Variants in IGF1R observed in about 807,000 individuals in gnomAD.
The protein encoded by IGF1R is insulin like growth factor 1 receptor.
IGF1R carries 44 observed loss-of-function variants against 144.6 expected under a neutral mutation model. The observed-to-expected ratio is 0.30, with a 90% CI of 0.24 to 0.39. IGF1R has a LOEUF of 0.39. Ranked by LOEUF, IGF1R falls within the 10% of genes least tolerant of loss-of-function variation. The pLI, the probability that IGF1R is intolerant of heterozygous loss-of-function variation, is 1.00. For missense variants in IGF1R, 1,355 were observed against 1,833.7 expected, an observed-to-expected ratio of 0.74 and a Z score of 4.77; for synonymous variants, 795 against 722.8, an observed-to-expected ratio of 1.10 and a Z score of -1.60.
At chr15:98,869,442 T>TTC in intron 2 of IGF1R, among the ~76,000 whole-genome samples, 1 of 151,414 alleles carries the variant, frequency 6.6e-6, no homozygotes, top group African/African-American at 2.4e-5. Flanking sequence ...TTCTTTTTTT[T>TTC]TTTTTTTTTT....
intron 1 of IGF1R, among the ~76,000 whole-genome samples, chr15:98,699,252 G>A (rs549571004): frequency 1.3e-3 from 203 of 152,306 alleles, no homozygotes; most frequent in African/African-American, 4.6e-3. Context: ...GTGCTAGGTG[G>A]TAGTGAGGAC....
In IGF1R at chr15:98,789,975, A is replaced by C. The variant is rs139885525; in HGVS notation, c.640+81868A>C. On this transcript the variant is annotated intron_variant, in intron 2 of 20. Transcript: ENST00000650285. ...ACATTTAGTGTCTGTGACTTAGCCA[A>C]AGGAAATGTACATTAACTGTTCAGT... 3.6e-3 allele frequency among the ~76,000 whole-genome samples: 544 copies of C among 152,340 alleles called. 7 individuals carry two copies. Among genetic ancestry groups the C allele is most frequent in the African/African-American group, 0.012 (516 of 41,582 alleles).
intron 2 of IGF1R, among the ~76,000 whole-genome samples, chr15:98,882,673 G>C (rs974764454): frequency 2.0e-5 from 3 of 152,186 alleles, no homozygotes; most frequent in Non-Finnish European, 4.4e-5. Context: ...AGTGAATAGG[G>C]ACAGTGATGA....
At chr15:98,722,993 C>T (rs1190349580) in intron 2 of IGF1R, among the ~76,000 whole-genome samples, 2 of 151,940 alleles carry the variant, frequency 1.3e-5, no homozygotes, top group African/African-American at 2.4e-5. Context: ...ACTGGTTCAA[C>T]ACCCATGTCA....
At chr15:98,669,498 A>G (rs902809205) in intron 1 of IGF1R, among the ~76,000 whole-genome samples, 5 of 152,168 alleles carry the variant, frequency 3.3e-5, no homozygotes, top group African/African-American at 1.2e-4. Context: ...CCTCAGGGTC[A>G]TATGTGCTGG....
chr15:98,897,064 T>C (rs971574513), intron 4 of IGF1R, 159 bp downstream of exon 4: 2 of 698,070 alleles, frequency 2.9e-6, no homozygotes, highest in African/African-American at 3.6e-5. Flanking sequence ...TGAGTTTCCC[T>C]GAAAGATAAA....
chr15:98,737,980 G>A (rs1174129373), intron 2 of IGF1R, among the ~76,000 whole-genome samples: 1 of 152,212 alleles, frequency 6.6e-6, no homozygotes, highest in Non-Finnish European at 1.5e-5. Flanking sequence ...CCTTGTGTAT[G>A]AAGGTCTGCT....
At chr15:98,724,003 C>G (rs1430874459) in intron 2 of IGF1R, among the ~76,000 whole-genome samples, 5 of 152,078 alleles carry the variant, frequency 3.3e-5, no homozygotes, top group Admixed American at 3.3e-4. Flanking sequence ...AGCTTTGGAG[C>G]AGTTTAGGCC....
At chr15:98,689,556 A>G (rs553387611) in intron 1 of IGF1R, among the ~76,000 whole-genome samples, 5 of 151,596 alleles carry the variant, frequency 3.3e-5, no homozygotes, top group African/African-American at 9.7e-5. Context: ...TTTAGATGCC[A>G]TTGTTGAGGA....
chr15:98,707,003 G>A lies in IGF1R; in HGVS notation c.95-559G>A, dbSNP rs1312872271. On this transcript the variant is annotated intron_variant, in intron 1 of 20. Coordinates refer to ENST00000650285, the MANE Select transcript of IGF1R (RefSeq NM_000875.5). This position sits in a 1 kb window ranked among gnomAD's most constrained non-coding sequence, Gnocchi z 6.7. Reference sequence around the variant, plus strand: ...CGTGTGGAGAGAACACAGTCTACTCGGCTTATGTCAAATGGTAGTGGGAAG... The same window carrying A: ...CGTGTGGAGAGAACACAGTCTACTCAGCTTATGTCAAATGGTAGTGGGAAG... 2.0e-5 allele frequency among the ~76,000 whole-genome samples: 3 copies of A among 152,082 alleles called. No homozygotes were observed. The highest frequency in any genetic ancestry group is 3.2e-3 in the Middle Eastern group (1 of 316).
chr15:98,962,610 C>G lies in IGF1R; in HGVS notation c.*5168C>G, dbSNP rs2017270179. 4.3e-6 allele frequency: 1 copy of G among 233,820 alleles called. No individual in the cohort carries two copies. The highest frequency in any genetic ancestry group is 5.6e-5 in the Admixed American group (1 of 17,798). The allele number at this position is 233,820 out of a possible 1,614,324, so 14.5% of individuals were successfully genotyped here. On this transcript the variant is annotated 3_prime_UTR_variant, in exon 21 of 21. Coordinates refer to ENST00000650285, the MANE Select transcript of IGF1R (RefSeq NM_000875.5). ...TGCGTCATTTGGAGAAGTGAGTGCT[C>G]CTTGATGGTGGAATGACCGGGTGGT...
chr15:98,927,948 A>G (rs1419308154), intron 13 of IGF1R, among the ~76,000 whole-genome samples: 1 of 152,142 alleles, frequency 6.6e-6, no homozygotes, highest in East Asian at 1.9e-4. Context: ...AACCAAAATC[A>G]CAGTTGTTGC....
At chr15:98,899,762 C>A in intron 5 of IGF1R, 141 bp downstream of exon 5, 1 of 821,962 alleles carries the variant, frequency 1.2e-6, no homozygotes, top group Non-Finnish European at 2.0e-6. Context: ...CTGTGCTGCT[C>A]GAGTAGGTCT....
chr15:98,707,573 G>A lies in IGF1R; in HGVS notation c.106G>A (p.Gly36Ser). 6.2e-7 allele frequency: 1 copy of A among 1,614,202 alleles called. No individual in the cohort carries two copies. Among genetic ancestry groups the A allele is most frequent in the Non-Finnish European group, 8.5e-7 (1 of 1,180,042 alleles). The change falls in exon 2 of 21, where the codon GGC becomes AGC. Residue 36 changes from glycine to serine, a missense_variant. Gly to Ser is a moderately conservative substitution (Grantham distance 56). Coordinates refer to ENST00000650285, the MANE Select transcript of IGF1R (RefSeq NM_000875.5). The surrounding 1 kb of genome is among the most constrained non-coding windows in gnomAD (Gnocchi z 6.7). ...TTGTCTCCCTTCAGTCTGCGGGCCA[G>A]GCATCGACATCCGCAACGACTATCA... ...WPTSGEICGP[G>S]IDIRNDYQQL...
At chr15:98,748,452 G>A (rs2054923491) in intron 2 of IGF1R, among the ~76,000 whole-genome samples, 1 of 152,204 alleles carries the variant, frequency 6.6e-6, no homozygotes, top group South Asian at 2.1e-4. Flanking sequence ...TGGGATTACA[G>A]GCGTGAGCCA....
At position 98,913,031 on chromosome 15, in the gene IGF1R, A is replaced by T; in HGVS notation, c.1590-13A>T. On this transcript the variant is annotated splice_polypyrimidine_tract_variant and intron_variant, in intron 7 of 20. Coordinates refer to ENST00000650285, the MANE Select transcript of IGF1R (RefSeq NM_000875.5). ...AGAGCCCCGAACTTTCTCTGAACTT[A>T]ATTGTCTTTCAGACCCTTTAAGAAT... 6.3e-7 allele frequency: 1 copy of T among 1,598,382 alleles called. No homozygotes were observed. Among genetic ancestry groups the T allele is most frequent in the South Asian group, 1.1e-5 (1 of 90,736 alleles).
At chr15:98,652,245 T>TA (rs961066572) in intron 1 of IGF1R, among the ~76,000 whole-genome samples, 12 of 152,356 alleles carry the variant, frequency 7.9e-5, no homozygotes, top group African/African-American at 2.6e-4. Context: ...GATAGCCAGA[T>TA]AATCTGAGGG....
chr15:98,853,649 G>C (rs754706891), intron 2 of IGF1R, among the ~76,000 whole-genome samples: 2 of 152,218 alleles, frequency 1.3e-5, no homozygotes, highest in Non-Finnish European at 2.9e-5. Flanking sequence ...GCGGAGTGGA[G>C]GATAAGCCTC....
intron 2 of IGF1R, among the ~76,000 whole-genome samples, chr15:98,736,616 T>C (rs1022705520): frequency 4.3e-5 from 6 of 139,404 alleles, no homozygotes; most frequent in African/African-American, 1.2e-4. Context: ...TTTTCTTTTT[T>C]CTTTTTTTTT....
Sources: allele counts gnomAD v4.1 joint callset (sites outside exome capture counted in the v4.1 genomes callset), GRCh38; gene constraint gnomAD v4.1.1; non-coding constraint Gnocchi (gnomAD v3.1); transcripts MANE v1.5; gene names NCBI Gene and HGNC (gene_info 2026-07-23, HGNC 2026-07-21).